The following RTTN variants were observed in gnomAD, a reference collection of about 807,000 sequenced individuals.
RTTN encodes rotatin.
Under a neutral mutation model 269.2 loss-of-function variants are expected in RTTN, and 182 were observed. The ratio of observed to expected loss-of-function variants is 0.68; its 90% confidence interval spans 0.60 to 0.76. The LOEUF is 0.76. RTTN is among the 30% of genes least tolerant of loss of function. RTTN has a pLI of 0.00. For missense variants in RTTN, 2,545 were observed against 2,608.6 expected (o/e 0.98, Z 0.53); for synonymous variants, 1,006 against 963.5 (o/e 1.04, Z -0.82).
At chr18:70,149,102 A>G (rs2060471416) in intron 16 of RTTN, 65 bp from the exon 17 acceptor site, 1 of 1,440,460 alleles carries the variant, frequency 6.9e-7, no homozygotes, top group African/African-American at 1.4e-5. Flanking sequence ...CAACTTGAAA[A>G]TAAGAATTGT....
chr18:70,194,849 G>A (rs1443812283), intron 7 of RTTN: 2 of 152,160 alleles, frequency 1.3e-5, no homozygotes, highest in African/African-American at 4.8e-5. Context: ...AGATAATGAA[G>A]AGGTTTAGAA....
chr18:70,042,598 G>C (rs981018525), intron 40 of RTTN, among the ~76,000 whole-genome samples: 8 of 151,954 alleles, frequency 5.3e-5, no homozygotes, highest in Admixed American at 4.6e-4. Context: ...GGATGGTGTC[G>C]ATCTCCTGAC....
Position 70,054,127 on chromosome 18 carries a change from T to C in RTTN, c.5185+4A>G. 1.9e-6 allele frequency: 3 copies of C among 1,608,962 alleles called. No individual in the cohort carries two copies. In the East Asian group the frequency reaches 6.7e-5, roughly 36 times the overall value. ...ACATTCTAAACTAAAACAATTAAGCTTACCTAATACATCTTTGGTACATAT... is the reference window on the plus strand; with the variant it reads ...ACATTCTAAACTAAAACAATTAAGCCTACCTAATACATCTTTGGTACATAT... On this transcript the variant is annotated splice_donor_region_variant and intron_variant, in intron 38 of 48. Coordinates refer to ENST00000640769, the MANE Select transcript of RTTN (RefSeq NM_173630.4).
In RTTN at chr18:70,036,793, T is replaced by C. The variant is rs527259532; in HGVS notation, c.5542-5812A>G. On this transcript the variant is annotated intron_variant, in intron 40 of 48. Coordinates refer to ENST00000640769, the MANE Select transcript of RTTN (RefSeq NM_173630.4). ...CAGGAACACCAAATTTTAACAACTA[T>C]ATGCACACAGAAAAGCACCGTCACG... Among the ~76,000 whole-genome samples the C allele has an allele frequency of 5.9e-5, 9 of 152,254 alleles. No homozygotes were observed. In the South Asian group the frequency reaches 1.0e-3, roughly 18 times the overall value.
At chr18:70,144,573 T>G (rs1368311545) in intron 18 of RTTN, among the ~76,000 whole-genome samples, 2 of 152,182 alleles carry the variant, frequency 1.3e-5, no homozygotes, top group Non-Finnish European at 2.9e-5. Context: ...TAACATGGAC[T>G]CACAGAAGAC....
At chr18:70,176,260 T>C (rs1169643722) in intron 11 of RTTN, among the ~76,000 whole-genome samples, 2 of 143,694 alleles carry the variant, frequency 1.4e-5, no homozygotes, top group African/African-American at 5.0e-5. Flanking sequence ...TGTATATGTA[T>C]AGATAACAGC....
chr18:70,030,470 C>T (rs1009786593), intron 41 of RTTN, among the ~76,000 whole-genome samples: 2 of 152,130 alleles, frequency 1.3e-5, no homozygotes, highest in African/African-American at 4.8e-5. Flanking sequence ...TTACAACACT[C>T]AAGAGGGAAA....
At chr18:70,056,709 G>A (rs906510781) in intron 37 of RTTN, among the ~76,000 whole-genome samples, 1 of 152,154 alleles carries the variant, frequency 6.6e-6, no homozygotes, top group Non-Finnish European at 1.5e-5. Context: ...GTCTTGCAAT[G>A]ACCATAGGAC....
intron 10 of RTTN, among the ~76,000 whole-genome samples, chr18:70,186,530 G>A (rs12962092): frequency 5.6e-4 from 85 of 152,250 alleles, no homozygotes; most frequent in Admixed American, 1.1e-3. Context: ...AAGGCAGGCA[G>A]ATCACTTGAG....
In RTTN at chr18:70,092,136, G is replaced by C. The variant is rs371735293; in HGVS notation, c.4117C>G (p.Pro1373Ala). ...PTQQGLAWLI[P>A]LWVDRDPEVR... is the part of the protein sequence containing the mutation. ...TCTGGGTCCCGATCAACCCATAATG[G>C]AATCAACCAAGCCAATCCTTGTTGA... The change falls in exon 30 of 49, where the codon CCA becomes GCA. Residue 1373 changes from proline to alanine, a missense_variant. By Grantham distance (27) the Pro-to-Ala change is conservative. Coordinates refer to ENST00000640769, the MANE Select transcript of RTTN (RefSeq NM_173630.4). 14 of 1,612,188 alleles carry C rather than the reference G, an allele frequency of 8.7e-6. No individual in the cohort carries two copies. The African/African-American group carries it at 1.3e-4, about 15-fold the overall frequency.
At chr18:70,140,231 G>T in intron 19 of RTTN, 43 bp from the exon 20 acceptor site, 2 of 1,174,184 alleles carry the variant, frequency 1.7e-6, no homozygotes, top group Non-Finnish European at 2.5e-6. Flanking sequence ...CACATTTTTT[G>T]TAGTTTAAAA....
At chr18:70,138,767 G>A (rs1050435792) in intron 21 of RTTN, 4 of 152,074 alleles carry the variant, frequency 2.6e-5, no homozygotes, top group Non-Finnish European at 5.9e-5. Flanking sequence ...AAGCCAACAG[G>A]AGGAAAAGAT....
At chr18:70,150,209 A>G in intron 15 of RTTN, 122 bp from the exon 16 acceptor site, 1 of 667,204 alleles carries the variant, frequency 1.5e-6, no homozygotes, top group Non-Finnish European at 2.7e-6. Flanking sequence ...TTTCTTTCAA[A>G]TGTTCGTACT....
intron 28 of RTTN, among the ~76,000 whole-genome samples, chr18:70,094,496 T>C (rs994518297): frequency 6.6e-6 from 1 of 152,230 alleles, no homozygotes; most frequent in Non-Finnish European, 1.5e-5. Flanking sequence ...TTTGTTCTCT[T>C]TGGTTTCAAA....
chr18:70,055,392 C>A (rs941393033), intron 37 of RTTN, among the ~76,000 whole-genome samples: 2 of 151,986 alleles, frequency 1.3e-5, no homozygotes, highest in African/African-American at 4.8e-5. Context: ...GAGTCGAGAG[C>A]CTGTTGTAAA....
At chr18:70,204,313 T>C in intron 2 of RTTN, 50 bp from the exon 3 acceptor site, 1 of 1,491,270 alleles carries the variant, frequency 6.7e-7, no homozygotes, top group African/African-American at 1.4e-5. Context: ...AAAATCTCTA[T>C]AACTTACAGC....
intron 40 of RTTN, among the ~76,000 whole-genome samples, chr18:70,041,834 A>T (rs2057349560): frequency 6.6e-6 from 1 of 152,064 alleles, no homozygotes; most frequent in South Asian, 2.1e-4. Flanking sequence ...TTGGCTACAT[A>T]ACATTTGGCA....
chr18:70,135,120 G>A, intron 22 of RTTN, 64 bp downstream of exon 22: 1 of 913,514 alleles, frequency 1.1e-6, no homozygotes, highest in Non-Finnish European at 1.7e-6. Context: ...CTTGCTATAA[G>A]ATTACATCAG....
intron 34 of RTTN, among the ~76,000 whole-genome samples, chr18:70,066,442 T>C (rs1445449867): frequency 6.6e-6 from 1 of 152,106 alleles, no homozygotes; most frequent in Non-Finnish European, 1.5e-5. Flanking sequence ...GAATACAACA[T>C]TAAATATAAC....
Sources: gnomAD v4.1 joint callset for allele counts (sites outside exome capture counted in the v4.1 genomes callset) on GRCh38, gnomAD v4.1.1 for gene constraint, MANE v1.5 for transcripts, NCBI Gene and HGNC (gene_info 2026-07-23, HGNC 2026-07-21) for gene names.